Variants in ARL6IP4 observed in about 807,000 individuals in gnomAD.
ARL6IP4 encodes ADP-ribosylation factor-like protein 6-interacting protein 4.
Under a neutral mutation model 28.1 loss-of-function variants are expected in ARL6IP4, and 24 were observed. The observed-to-expected ratio is 0.86, with a 90% CI of 0.62 to 1.20. The LOEUF (loss-of-function observed/expected upper bound fraction) is 1.20. Among genes scored for constraint, ARL6IP4 ranks in the 50% most tolerant of loss-of-function variants. The probability of loss-of-function intolerance (pLI) is 0.00; values close to 1 mark genes in which losing one functional copy is unlikely to be tolerated. For synonymous variants in ARL6IP4, 162 were observed against 122.3 expected, an observed-to-expected ratio of 1.32 and a Z score of -2.14; for missense variants, 343 against 302.4, an observed-to-expected ratio of 1.13 and a Z score of -1.00.
chr12:122,982,172 G>C, intron 4 of ARL6IP4, 98 bp downstream of exon 4: 1 of 1,416,408 alleles, frequency 7.1e-7, no homozygotes. Flanking sequence ...GGTTCCTGGT[G>C]CCTGAAAAAG....
chr12:122,982,807 C>G lies in ARL6IP4; in HGVS notation c.*131C>G, dbSNP rs1188950874. 1 of 976,920 alleles carries G rather than the reference C, an allele frequency of 1.0e-6. No homozygotes were observed. The highest frequency in any genetic ancestry group is 1.5e-6 in the Non-Finnish European group (1 of 650,004). 60.5% of individuals were successfully genotyped at this position (976,920 alleles called of 1,614,324 possible). On this transcript the variant is annotated 3_prime_UTR_variant, in exon 6 of 6. Transcript: ENST00000315580. The stretch of plus-strand genomic sequence containing the variant: ...GGATTGGTCTCTGGCCCAGCCCAGT[C>G]TCTTCTCAGGGGCAGGGGGTGGAGG...
Position 122,981,307 on chromosome 12 carries a change from C to T in ARL6IP4, c.160+8C>T, listed in dbSNP as rs1229895563. ...CGGCCCCTGGGGCGGAGGGTGAGGA[C>T]CACAGGCATCGGGGAGAGGAGGCGC... On this transcript the variant is annotated splice_region_variant and intron_variant, in intron 2 of 5. Coordinates refer to ENST00000315580, the MANE Select transcript of ARL6IP4 (RefSeq NM_018694.4). 5 of 1,541,150 alleles carry T rather than the reference C, an allele frequency of 3.2e-6. No individual in the cohort carries two copies. The highest frequency in any genetic ancestry group is 4.4e-6 in the Non-Finnish European group (5 of 1,142,130).
chr12:122,981,046 C>G (rs1334294779), intron 1 of ARL6IP4, 83 bp from the exon 2 acceptor site: 2 of 1,446,742 alleles, frequency 1.4e-6, no homozygotes, highest in East Asian at 2.7e-5. Flanking sequence ...TCGCCAGGCC[C>G]CGGCCCCGCT....
At position 122,981,199 on chromosome 12, in the gene ARL6IP4, G is replaced by A. The variant is rs747755633; in HGVS notation, c.60G>A (p.Gly20=). 1.9e-6 allele frequency: 3 copies of A among 1,549,946 alleles called. No individual in the cohort carries two copies. The highest frequency in any genetic ancestry group is 1.7e-4 in the Middle Eastern group (1 of 5,968). ...GTCGCAGCCGGTCCCGGGGACGGGG[G>A]TCGGAAAAGAGAAAGAAGAAGAGCA... ...SRSRSRSRGR[G]SEKRKKKSRK... Residue 20 remains glycine (G), a synonymous_variant, in exon 2 of 6, where the codon GGG becomes GGA. Coordinates refer to ENST00000315580, the MANE Select transcript of ARL6IP4 (RefSeq NM_018694.4).
chr12:122,982,217 A>T, intron 4 of ARL6IP4, 143 bp downstream of exon 4: 1 of 980,376 alleles, frequency 1.0e-6, no homozygotes. Context: ...CACTTGGAGT[A>T]AGTAGTTGCA....
rs771311245 is a variant in ARL6IP4 at position 122,981,698 on chromosome 12, C to G, written c.288C>G (p.Ser96=). Residue 96 remains serine, a synonymous_variant, in exon 3 of 6, where the codon TCC becomes TCG. Coordinates refer to ENST00000315580, the MANE Select transcript of ARL6IP4 (RefSeq NM_018694.4). ...CTTCCTCCTCGTCCTCCTCCTCTTC[C>G]TCCAGTGATGGCCGGAAGAAGCGGG... ...SSSSSSSSSS[S]SSDGRKKRGK... is the part of the protein sequence containing the mutation. 1 of 1,553,266 alleles carries G rather than the reference C, an allele frequency of 6.4e-7. No homozygotes were observed. Among genetic ancestry groups the G allele is most frequent in the African/African-American group, 1.4e-5 (1 of 73,208 alleles).
chr12:122,980,346 G>T (rs763950714), upstream of ARL6IP4: 4 of 1,307,592 alleles, frequency 3.1e-6, no homozygotes, highest in Non-Finnish European at 2.9e-6. Flanking sequence ...GGGTGGGCGC[G>T]TCGGAAAGAC....
intron 2 of ARL6IP4, 114 bp from the exon 3 acceptor site, chr12:122,981,457 T>C (rs1319387142): frequency 7.2e-7 from 1 of 1,386,378 alleles, no homozygotes; most frequent in Non-Finnish European, 9.6e-7. Flanking sequence ...TCTGGGAAGC[T>C]CCATCTCTGT....
intron 5 of ARL6IP4, 41 bp downstream of exon 5, chr12:122,982,579 G>A: frequency 6.2e-7 from 1 of 1,614,124 alleles, no homozygotes. Flanking sequence ...CCCCAGCTCT[G>A]TTTGTGATGT....
chr12:122,980,267 C>T, upstream of ARL6IP4: 1 of 1,247,654 alleles, frequency 8.0e-7, no homozygotes. Flanking sequence ...GGCCTGGGGT[C>T]CATGCCCGCG....
rs776424372 is a variant in ARL6IP4 at position 122,981,942 on chromosome 12, C to G, written c.470-15C>G. 1.2e-6 allele frequency: 2 copies of G among 1,613,718 alleles called. No individual in the cohort carries two copies. The highest frequency in any genetic ancestry group is 1.7e-5 in the Admixed American group (1 of 60,022). On this transcript the variant is annotated splice_polypyrimidine_tract_variant and intron_variant, in intron 3 of 5. Transcript: ENST00000315580. ...CTTCCCAAGGCCTGGCCACCACCTC[C>G]GTCTTCCCTTCCAGTCCTGACGGAT... is the stretch of plus-strand genomic sequence containing the variant.
Position 122,982,659 on chromosome 12 carries a change from G to A in ARL6IP4, c.697G>A (p.Ala233Thr). 6.2e-7 allele frequency: 1 copy of A among 1,613,938 alleles called. No individual in the cohort carries two copies. Among genetic ancestry groups the A allele is most frequent in the Non-Finnish European group, 8.5e-7 (1 of 1,180,032 alleles). The change falls in exon 6 of 6, where the codon GCT becomes ACT. Residue 233 changes from alanine to threonine, a missense_variant. Physicochemically the swap from Ala to Thr is moderately conservative, Grantham distance 58. Transcript: ENST00000315580. ...GGACTGCCTGGCCTTCCAGATGCGA[G>A]CTGGGTTGCTTCCCTGAGGGCCCCC... Reference protein sequence around the residue: ...RGDCLAFQMRAGLLP With the variant: ...RGDCLAFQMRTGLLP
In ARL6IP4 at chr12:122,981,755, G is replaced by T; in HGVS notation, c.345G>T (p.Lys115Asn). The part of the protein sequence containing the change: ...GKYKDKRRKK[K>N]KKRKKLKKKG... ...ACAAGGACAAGAGGAGGAAGAAGAA[G>T]AAGAAGAGGAAGAAGCTGAAGAAGA... Residue 115 changes from lysine (K) to asparagine (N), a missense_variant, in exon 3 of 6, where the codon AAG (lysine) becomes AAT (asparagine). Transcript: ENST00000315580. 1 of 1,558,436 alleles carries T rather than the reference G, an allele frequency of 6.4e-7. No individual in the cohort carries two copies. Among genetic ancestry groups the T allele is most frequent in the East Asian group, 2.4e-5 (1 of 41,472 alleles).
chr12:122,980,875 G>T, intron 1 of ARL6IP4, 130 bp downstream of exon 1: 1 of 1,350,976 alleles, frequency 7.4e-7, no homozygotes, highest in Non-Finnish European at 9.4e-7. Flanking sequence ...AGTTCCCAGG[G>T]GTTTGGAGCC....
chr12:122,980,370 T>C (rs1024304134), upstream of ARL6IP4: 1 of 1,323,336 alleles, frequency 7.6e-7, no homozygotes, highest in Non-Finnish European at 9.7e-7. Context: ...GGCGCCTCAG[T>C]CTGGAGCTCG....
chr12:122,981,940 T>A lies in ARL6IP4; in HGVS notation c.470-17T>A. On this transcript the variant is annotated splice_polypyrimidine_tract_variant and intron_variant, in intron 3 of 5. Transcript: ENST00000315580. ...CGCTTCCCAAGGCCTGGCCACCACCTCCGTCTTCCCTTCCAGTCCTGACGG... is the reference window on the plus strand; with the variant it reads ...CGCTTCCCAAGGCCTGGCCACCACCACCGTCTTCCCTTCCAGTCCTGACGG... 1 of 1,613,528 alleles carries A rather than the reference T, an allele frequency of 6.2e-7. No homozygotes were observed. Among genetic ancestry groups the A allele is most frequent in the Non-Finnish European group, 8.5e-7 (1 of 1,179,974 alleles).
chr12:122,982,269 G>T, intron 4 of ARL6IP4, 195 bp downstream of exon 4: 2 of 803,136 alleles, frequency 2.5e-6, no homozygotes, highest in Non-Finnish European at 4.0e-6. Context: ...AAGGGCTGTT[G>T]TTGGCCGGGC....
At chr12:122,981,373 C>G (rs2037644271) in intron 2 of ARL6IP4, 74 bp downstream of exon 2, 1 of 1,484,928 alleles carries the variant, frequency 6.7e-7, no homozygotes, top group East Asian at 2.5e-5. Flanking sequence ...TGGTCGGGGA[C>G]GCTCAGTCAT....
rs764437429 is a variant in ARL6IP4, at chr12:122,982,548, G to T, written c.657+10G>T. ...CAGAGAGATCAACAAGGTGGGTGTG[G>T]CCCCTCTGCCTGCCATCCGCCCCCA... is the stretch of plus-strand genomic sequence containing the variant. On this transcript the variant is annotated intron_variant, in intron 5 of 5. Transcript: ENST00000315580. 7 of 1,614,126 alleles carry T rather than the reference G, an allele frequency of 4.3e-6. No individual in the cohort carries two copies. Among genetic ancestry groups the T allele is most frequent in the South Asian group, 1.1e-5 (1 of 91,080 alleles).
Sources: gnomAD v4.1 joint callset for allele counts on GRCh38, gnomAD v4.1.1 for gene constraint, MANE v1.5 for transcripts, NCBI Gene and HGNC (gene_info 2026-07-23, HGNC 2026-07-21) for gene names.